NIPAL1: variants seen among roughly 807,000 people sequenced by gnomAD.
NIPAL1 encodes NIPA like domain containing 1, also known as magnesium transporter NIPA3.
In NIPAL1, 35 loss-of-function variants were observed where a neutral mutation model predicts 37.7. The ratio of observed to expected loss-of-function variants is 0.93; its 90% CI spans 0.71 to 1.23. NIPAL1 has a LOEUF of 1.23. NIPAL1 is among the 50% of genes most tolerant of loss of function. NIPAL1 has a pLI of 0.00. For missense variants in NIPAL1, 412 were observed against 473.9 expected (o/e 0.87, Z 1.21); for synonymous variants, 162 against 183.0 (o/e 0.89, Z 0.93).
chr4:48,033,162 T>C (rs1715858818), intron 4 of NIPAL1, 79 bp downstream of exon 4: 1 of 856,104 alleles, frequency 1.2e-6, no homozygotes, highest in South Asian at 1.6e-5. Flanking sequence ...AACATATGGC[T>C]ATGGATATCT....
Position 48,035,682 on chromosome 4 carries a change from C to T in NIPAL1, c.743C>T (p.Ala248Val), listed in dbSNP as rs1189115434. 7.4e-6 allele frequency: 12 copies of T among 1,613,838 alleles called. No homozygotes were observed. Among genetic ancestry groups the T allele is most frequent in the Middle Eastern group, 1.6e-4 (1 of 6,062 alleles). Residue 248 changes from alanine to valine, a missense_variant, in exon 6 of 6, where the codon GCG becomes GTG. Transcript: ENST00000295461. ...VYISICSLIG[A>V]FSVSSVKGLG... is the part of the protein sequence containing the mutation. ...ATTTCAATCTGTTCCTTGATTGGAG[C>T]GTTTTCAGTTTCTTCTGTGAAAGGC...
intron 1 of NIPAL1, among the ~76,000 whole-genome samples, chr4:48,017,328 T>A (rs1044241694): frequency 1.3e-5 from 2 of 152,122 alleles, no homozygotes; most frequent in African/African-American, 4.8e-5. Context: ...AGTTCTGCGC[T>A]GCGCCCTGCG....
chr4:48,038,652 A>C lies in NIPAL1; in HGVS notation c.*2480A>C, dbSNP rs1157109329. 1.3e-5 allele frequency: 2 copies of C among 152,148 alleles called. No individual in the cohort carries two copies. Among genetic ancestry groups the C allele is most frequent in the African/African-American group, 4.8e-5 (2 of 41,430 alleles). The allele number at this position is 152,148 out of a possible 1,614,324, so 9.4% of individuals were successfully genotyped here. On this transcript the variant is annotated 3_prime_UTR_variant, in exon 6 of 6. Transcript: ENST00000295461. The stretch of plus-strand genomic sequence containing the variant: ...AAAGTGGCATTTGAAAATTGCAGAA[A>C]TTTTAATATTTTTTCTTTTAATATT...
intron 4 of NIPAL1, among the ~76,000 whole-genome samples, chr4:48,033,855 TTCTG>T (rs1358757289): frequency 6.6e-6 from 1 of 152,232 alleles, no homozygotes; most frequent in African/African-American, 2.4e-5. Flanking sequence ...TCTTTTTAGC[TTCTG>T]TATAGGATTG....
At chr4:48,021,671 A>G (rs893026315) in intron 1 of NIPAL1, among the ~76,000 whole-genome samples, 1 of 152,192 alleles carries the variant, frequency 6.6e-6, no homozygotes, top group Non-Finnish European at 1.5e-5. Context: ...CTGCAGCCTC[A>G]TGCATCATGT....
chr4:48,016,808 C>T lies in NIPAL1; in HGVS notation c.-32C>T. ...TGGAGAGGCCCAGGTGAGGAGCAAGCGCCCGCGTTCCGGAAGCCCGCTCCC... is the reference window on the plus strand; with the variant it reads ...TGGAGAGGCCCAGGTGAGGAGCAAGTGCCCGCGTTCCGGAAGCCCGCTCCC... On this transcript the variant is annotated 5_prime_UTR_variant, in exon 1 of 6. Coordinates refer to ENST00000295461, the MANE Select transcript of NIPAL1 (RefSeq NM_207330.3). The T allele has an allele frequency of 6.4e-7, 1 of 1,551,856 alleles. No individual in the cohort carries two copies. Among genetic ancestry groups the T allele is most frequent in the Non-Finnish European group, 8.7e-7 (1 of 1,154,268 alleles).
chr4:48,017,942 A>G (rs1223631346), intron 1 of NIPAL1, among the ~76,000 whole-genome samples: 1 of 151,242 alleles, frequency 6.6e-6, no homozygotes, highest in Non-Finnish European at 1.5e-5. Context: ...TCTCCTCTTG[A>G]CTCTTCCAGC....
chr4:48,035,365 T>A (rs1715904187), intron 5 of NIPAL1, among the ~76,000 whole-genome samples, 197 bp from the exon 6 acceptor site: 1 of 152,238 alleles, frequency 6.6e-6, no homozygotes, highest in African/African-American at 2.4e-5. Context: ...CATAGTGGTA[T>A]TGGTGAGATT....
chr4:48,028,909 A>G (rs1715758197), intron 2 of NIPAL1, among the ~76,000 whole-genome samples: 1 of 152,184 alleles, frequency 6.6e-6, no homozygotes, highest in Non-Finnish European at 1.5e-5. Flanking sequence ...TAACAAGTCA[A>G]AAAACAACAG....
At chr4:48,023,857 CT>C (rs1326327540) in intron 1 of NIPAL1, among the ~76,000 whole-genome samples, 2 of 151,900 alleles carry the variant, frequency 1.3e-5, no homozygotes, top group African/African-American at 4.8e-5. Flanking sequence ...ATTAACAGAC[CT>C]GAAAAATCAA....
intron 1 of NIPAL1, among the ~76,000 whole-genome samples, chr4:48,019,498 A>C (rs894665155): frequency 9.2e-5 from 14 of 152,196 alleles, no homozygotes; most frequent in African/African-American, 3.4e-4. Flanking sequence ...TAGATTGGGA[A>C]GGCAGGAAAG....
At chr4:48,019,570 G>A (rs768557184) in intron 1 of NIPAL1, among the ~76,000 whole-genome samples, 11 of 152,194 alleles carry the variant, frequency 7.2e-5, no homozygotes, top group South Asian at 4.1e-4. Flanking sequence ...CCAGCACTCT[G>A]TAACAGGCTC....
chr4:48,017,333 C>G (rs1715447301), intron 1 of NIPAL1, among the ~76,000 whole-genome samples: 1 of 152,282 alleles, frequency 6.6e-6, no homozygotes, highest in Middle Eastern at 3.4e-3. Flanking sequence ...TGCGCTGCGC[C>G]CTGCGCTGGC....
chr4:48,031,079 T>C (rs1374036202), intron 3 of NIPAL1, among the ~76,000 whole-genome samples: 1 of 152,162 alleles, frequency 6.6e-6, no homozygotes, highest in Non-Finnish European at 1.5e-5. Context: ...GTTTTGTTTT[T>C]TTTGAGATGG....
At chr4:48,023,975 C>CTT (rs11329586) in intron 1 of NIPAL1, among the ~76,000 whole-genome samples, 3 of 107,782 alleles carry the variant, frequency 2.8e-5, no homozygotes, top group East Asian at 2.4e-4. Context: ...CAGATTTCTT[C>CTT]TTTTTTTTTT....
Position 48,037,409 on chromosome 4 carries a change from T to A in NIPAL1, c.*1237T>A. 1 of 239,422 alleles carries A rather than the reference T, an allele frequency of 4.2e-6. No homozygotes were observed. The highest frequency in any genetic ancestry group is 4.4e-5 in the South Asian group (1 of 22,762). 14.8% of individuals were successfully genotyped at this position (239,422 alleles called of 1,614,324 possible). A position where few individuals can be genotyped will look rare whatever the true frequency, so the allele number is the denominator to read the frequency against. On this transcript the variant is annotated 3_prime_UTR_variant, in exon 6 of 6. Transcript: ENST00000295461. ...TTTCTTTTACTATTATCCTAAAGGTTATTTTTCTTGTTGATATAGAGATTT... is the reference window on the plus strand; with the variant it reads ...TTTCTTTTACTATTATCCTAAAGGTAATTTTTCTTGTTGATATAGAGATTT...
intron 5 of NIPAL1, 76 bp from the exon 6 acceptor site, chr4:48,035,486 C>T (rs1715905853): frequency 1.5e-6 from 2 of 1,371,094 alleles, no homozygotes; most frequent in African/African-American, 1.5e-5. Flanking sequence ...CTCTTAAACT[C>T]ATGACTAACA....
intron 3 of NIPAL1, among the ~76,000 whole-genome samples, chr4:48,031,798 G>A (rs973908497): frequency 6.6e-6 from 1 of 152,094 alleles, no homozygotes. Context: ...GAGTGCAGTG[G>A]CGTGATCTCG....
chr4:48,036,135 A>G lies in NIPAL1; in HGVS notation c.1196A>G (p.Asn399Ser), dbSNP rs755903387. The change falls in exon 6 of 6, where the codon AAT (asparagine) becomes AGT (serine). Residue 399 changes from asparagine (N) to serine (S), a missense_variant. Transcript: ENST00000295461. ...TTGGAGTGTTCAGCCCCAGGATACAATGATGACGTTACCTTGTTTAGTAGA... is the reference window on the plus strand; with the variant it reads ...TTGGAGTGTTCAGCCCCAGGATACAGTGATGACGTTACCTTGTTTAGTAGA... ...ENLECSAPGY[N>S]DDVTLFSRTD... The G allele has an allele frequency of 8.7e-6, 14 of 1,608,236 alleles. No individual in the cohort carries two copies. The highest frequency in any genetic ancestry group is 1.7e-4 in the Middle Eastern group (1 of 6,048).
Sources: gnomAD v4.1 joint callset for allele counts (sites outside exome capture counted in the v4.1 genomes callset) on GRCh38, gnomAD v4.1.1 for gene constraint, MANE v1.5 for transcripts, NCBI Gene and HGNC (gene_info 2026-07-23, HGNC 2026-07-21) for gene names.